The following CFAP298 variants were observed in gnomAD, a reference collection of about 807,000 sequenced individuals.
CFAP298 encodes cilia and flagella associated protein 298, also known as cilia- and flagella-associated protein 298.
A neutral mutation model predicts 41.0 loss-of-function variants in CFAP298; 38 were observed. That is an observed-to-expected ratio of 0.93 (90% CI 0.72 to 1.22). The LOEUF (loss-of-function observed/expected upper bound fraction) is 1.22. Among genes scored for constraint, CFAP298 ranks in the 50% most tolerant of loss-of-function variants. The pLI, the probability that CFAP298 is intolerant of heterozygous loss-of-function variation, is 0.00. For synonymous variants in CFAP298, 137 were observed against 135.3 expected (o/e 1.01, Z -0.09); for missense variants, 348 against 360.3 (o/e 0.97, Z 0.28).
intron 1 of CFAP298, among the ~76,000 whole-genome samples, chr21:32,610,930 G>T (rs2038976626): frequency 6.6e-6 from 1 of 152,008 alleles, no homozygotes; most frequent in South Asian, 2.1e-4. Context: ...ACCACATCAG[G>T]AAGTATCATC....
intron 4 of CFAP298, among the ~76,000 whole-genome samples, 157 bp downstream of exon 4, chr21:32,603,968 T>C (rs2038809789): frequency 6.6e-6 from 1 of 152,178 alleles, no homozygotes; most frequent in Non-Finnish European, 1.5e-5. Flanking sequence ...TCTCAGGGGC[T>C]GCTCCTGAAT....
chr21:32,611,331 A>G (rs2038988581), intron 1 of CFAP298, among the ~76,000 whole-genome samples: 1 of 134,422 alleles, frequency 7.4e-6, no homozygotes, highest in Non-Finnish European at 1.5e-5. Context: ...ATATATATAT[A>G]TATATATAAT....
intron 6 of CFAP298, 88 bp downstream of exon 6, chr21:32,602,184 A>G: frequency 7.7e-7 from 1 of 1,300,162 alleles, no homozygotes. Context: ...CATTCTGCAG[A>G]GCTCACTGCT....
At chr21:32,611,734 C>A (rs1006564030) in intron 1 of CFAP298, among the ~76,000 whole-genome samples, 9 of 152,160 alleles carry the variant, frequency 5.9e-5, no homozygotes, top group Admixed American at 3.3e-4. Flanking sequence ...ATAGTAAATT[C>A]AGCTTTTAAA....
chr21:32,611,177 G>A (rs1033090625), intron 1 of CFAP298, among the ~76,000 whole-genome samples: 2 of 151,160 alleles, frequency 1.3e-5, no homozygotes, highest in Non-Finnish European at 1.5e-5. Context: ...GGTGGTGGGC[G>A]CCTGTAATCT....
chr21:32,609,192 G>C (rs942867741), intron 2 of CFAP298, among the ~76,000 whole-genome samples: 13 of 152,130 alleles, frequency 8.5e-5, no homozygotes, highest in African/African-American at 2.9e-4. Context: ...CAACATTTGC[G>C]AACAGTAACA....
chr21:32,602,662 G>C (rs866210204), intron 5 of CFAP298: 6 of 1,260,144 alleles, frequency 4.8e-6, no homozygotes, highest in Middle Eastern at 3.1e-4. Context: ...TCAGAGCCAC[G>C]GACTCTGGAT....
rs113013357 is a variant in CFAP298 at position 32,603,197 on chromosome 21, C to T, written c.630G>A (p.Lys210=). Residue 210 remains lysine, a synonymous_variant, in exon 5 of 7, where the codon AAG becomes AAA. Transcript: ENST00000290155. ...TGGCGATAATTTTGGTTTTTTCATTCTTCCCCACGTAGTCTGAAAGCTTCT... is the reference window on the plus strand; with the variant it reads ...TGGCGATAATTTTGGTTTTTTCATTTTTCCCCACGTAGTCTGAAAGCTTCT... ...RTKKLSDYVG[K]NEKTKIIAKI... is the part of the protein sequence containing the mutation. The T allele has an allele frequency of 1.4e-4, 224 of 1,614,180 alleles. 1 individual carries two copies. The African/African-American group carries it at 2.7e-3, about 19-fold the overall frequency.
intron 3 of CFAP298, 125 bp from the exon 4 acceptor site, chr21:32,604,408 C>T: frequency 3.7e-6 from 4 of 1,079,480 alleles, no homozygotes; most frequent in South Asian, 2.9e-5. Flanking sequence ...ACAGTTCTTG[C>T]TCCCAGAGTG....
At chr21:32,608,045 T>C (rs1031605697) in intron 2 of CFAP298, among the ~76,000 whole-genome samples, 11 of 152,080 alleles carry the variant, frequency 7.2e-5, no homozygotes, top group African/African-American at 2.2e-4. Context: ...CACAGTCTTG[T>C]TGGGTGGGAT....
Position 32,600,214 on chromosome 21 carries a change from A to G in CFAP298, c.*1649T>C, listed in dbSNP as rs1032334450. On this transcript the variant is annotated 3_prime_UTR_variant, in exon 7 of 7. Transcript: ENST00000290155. ...CCCTTTCATAGAGACATTTAAAACT[A>G]TAACCAAGTAAAAGAGAAAATAGAT... Among the ~76,000 whole-genome samples, 4 of 152,250 alleles carry G rather than the reference A, an allele frequency of 2.6e-5. No individual in the cohort carries two copies. The highest frequency in any genetic ancestry group is 6.5e-5 in the Admixed American group (1 of 15,282).
intron 5 of CFAP298, 30 bp downstream of exon 5, chr21:32,603,128 AACT>A: frequency 6.2e-7 from 1 of 1,613,594 alleles, no homozygotes; most frequent in Non-Finnish European, 8.5e-7. Flanking sequence ...AAATAACAAA[AACT>A]ACTGACACAT....
chr21:32,606,387 T>C (rs2038866977), intron 3 of CFAP298, among the ~76,000 whole-genome samples: 1 of 152,040 alleles, frequency 6.6e-6, no homozygotes, highest in Admixed American at 6.5e-5. Context: ...GGATAAAAAG[T>C]ACTTTCAGAA....
At chr21:32,603,096 A>T (rs766983719) in intron 5 of CFAP298, 65 bp downstream of exon 5, 2 of 1,561,834 alleles carry the variant, frequency 1.3e-6, no homozygotes, top group Admixed American at 1.7e-5. Flanking sequence ...GATTCACTGT[A>T]CATTTTTATC....
chr21:32,600,502 C>G lies in CFAP298; in HGVS notation c.*1361G>C, dbSNP rs937070217. Among the ~76,000 whole-genome samples the G allele has an allele frequency of 1.3e-5, 2 of 152,214 alleles. No homozygotes were observed. The highest frequency in any genetic ancestry group is 4.8e-5 in the African/African-American group (2 of 41,456). ...AGATGCCCCGCGTCCTTCACTTTCC[C>G]TCAGTGTGAGCACACCAAGTTCCCT... is the stretch of plus-strand genomic sequence containing the variant. On this transcript the variant is annotated 3_prime_UTR_variant, in exon 7 of 7. Coordinates refer to ENST00000290155, the MANE Select transcript of CFAP298 (RefSeq NM_021254.4).
At position 32,601,466 on chromosome 21, in the gene CFAP298, T is replaced by G. The variant is rs2038735118; in HGVS notation, c.*397A>C. Among the ~76,000 whole-genome samples, 1 of 151,546 alleles carries G rather than the reference T, an allele frequency of 6.6e-6. No homozygotes were observed. The highest frequency in any genetic ancestry group is 1.5e-5 in the Non-Finnish European group (1 of 67,884). ...GCGCCTGCCACCATGCCCGGCTAAT[T>G]TTTTGTATTTTTAGTAGAGACGGGG... On this transcript the variant is annotated 3_prime_UTR_variant, in exon 7 of 7. Coordinates refer to ENST00000290155, the MANE Select transcript of CFAP298 (RefSeq NM_021254.4).
chr21:32,611,822 C>T (rs1216419892), intron 1 of CFAP298, among the ~76,000 whole-genome samples: 3 of 152,142 alleles, frequency 2.0e-5, no homozygotes, highest in East Asian at 1.9e-4. Context: ...CCTTTCGGCT[C>T]CCTCCTCCCT....
At chr21:32,602,590 C>A in intron 5 of CFAP298, 1 of 1,367,488 alleles carries the variant, frequency 7.3e-7, no homozygotes. Context: ...ACGATACCAT[C>A]TCTGTCTTGA....
intron 2 of CFAP298, among the ~76,000 whole-genome samples, chr21:32,608,459 C>T (rs1432102518): frequency 6.6e-6 from 1 of 151,884 alleles, no homozygotes; most frequent in Non-Finnish European, 1.5e-5. Flanking sequence ...GAGTTCGAGA[C>T]CAGCCTGGGC....
Sources: gnomAD v4.1 joint callset for allele counts (sites outside exome capture counted in the v4.1 genomes callset) on GRCh38, gnomAD v4.1.1 for gene constraint, MANE v1.5 for transcripts, NCBI Gene and HGNC (gene_info 2026-07-23, HGNC 2026-07-21) for gene names.